Variants in CMTM4 observed in about 807,000 individuals in gnomAD.
CMTM4 encodes CKLF-like MARVEL transmembrane domain-containing protein 4.
In CMTM4, 8 loss-of-function variants were observed where a neutral mutation model predicts 19.0. That is an observed-to-expected ratio of 0.42 (90% CI 0.25 to 0.76). CMTM4 has a LOEUF of 0.76. CMTM4 is among the 30% of genes least tolerant of loss of function. CMTM4 has a pLI of 0.27. For synonymous variants in CMTM4, 106 were observed against 121.1 expected, an observed-to-expected ratio of 0.88 and a Z score of 0.82; for missense variants, 228 against 290.2, an observed-to-expected ratio of 0.79 and a Z score of 1.56.
At chr16:66,609,402 G>A in the CMTM4 span, 2 of 1,592,070 alleles carry the variant, frequency 1.3e-6, no homozygotes. The surrounding 1 kb of genome is among the most constrained non-coding windows in gnomAD (Gnocchi z 4.4). Flanking sequence ...CTCAGCTCCA[G>A]GGGCTCAGGG....
intron 1 of CMTM4, among the ~76,000 whole-genome samples, chr16:66,673,501 C>T (rs563188253): frequency 2.6e-5 from 4 of 152,072 alleles, no homozygotes; most frequent in African/African-American, 7.2e-5. Context: ...CCACTGCACC[C>T]GGCCCACGTT....
At chr16:66,631,491 G>C (rs2015870463) in intron 2 of CMTM4, among the ~76,000 whole-genome samples, 1 of 152,220 alleles carries the variant, frequency 6.6e-6, no homozygotes, top group Non-Finnish European at 1.5e-5. Context: ...AATAGAAAAG[G>C]GGGAAAGGTG....
At chr16:66,647,543 G>A (rs1172036542) in intron 1 of CMTM4, among the ~76,000 whole-genome samples, 1 of 152,072 alleles carries the variant, frequency 6.6e-6, no homozygotes, top group Non-Finnish European at 1.5e-5. Flanking sequence ...GGTAAGGAAG[G>A]TGTGCGCAGG....
In CMTM4 at chr16:66,615,683, C is replaced by T. The variant is rs1432290257; in HGVS notation, c.*6375G>A. The T allele has an allele frequency of 6.6e-6, 1 of 152,272 alleles. No individual in the cohort carries two copies. Among genetic ancestry groups the T allele is most frequent in the Non-Finnish European group, 1.5e-5 (1 of 68,070 alleles). 9.4% of individuals were successfully genotyped at this position (152,272 alleles called of 1,614,324 possible). Reference sequence around the variant, plus strand: ...CCTCTGCAGGACGCTCGCACTGATTCTGGAAGGGGCCCAGGCCAGAGAATA... The same window carrying T: ...CCTCTGCAGGACGCTCGCACTGATTTTGGAAGGGGCCCAGGCCAGAGAATA... On this transcript the variant is annotated 3_prime_UTR_variant, in exon 4 of 4. Transcript: ENST00000394106. The surrounding 1 kb of genome is among the most constrained non-coding windows in gnomAD (Gnocchi z 4.9).
At chr16:66,632,875 G>A (rs2015901752) in intron 2 of CMTM4, among the ~76,000 whole-genome samples, 1 of 151,858 alleles carries the variant, frequency 6.6e-6, no homozygotes, top group Non-Finnish European at 1.5e-5. Flanking sequence ...CTGAGGTTGG[G>A]AGTCCAAGAC....
At chr16:66,609,748 G>A in the CMTM4 span, 39 of 1,582,682 alleles carry the variant, frequency 2.5e-5, no homozygotes, top group Middle Eastern at 3.3e-4. The surrounding 1 kb of genome is among the most constrained non-coding windows in gnomAD (Gnocchi z 4.4). Flanking sequence ...TCCCACTTCC[G>A]TTACTCACAG....
At chr16:66,659,645 T>C (rs1209497620) in intron 1 of CMTM4, among the ~76,000 whole-genome samples, 1 of 152,208 alleles carries the variant, frequency 6.6e-6, no homozygotes, top group Non-Finnish European at 1.5e-5. Flanking sequence ...GGAATAATTA[T>C]GTTATTTTGA....
chr16:66,683,161 GTATA>G (rs201948614), intron 1 of CMTM4, among the ~76,000 whole-genome samples: 90 of 81,448 alleles, frequency 1.1e-3, no homozygotes, highest in South Asian at 9.3e-3. Context: ...ATATATATAC[GTATA>G]TATATATATA....
At position 66,617,398 on chromosome 16, in the gene CMTM4, A is replaced by G; in HGVS notation, c.*4660T>C. 1 of 1,600,592 alleles carries G rather than the reference A, an allele frequency of 6.2e-7. No homozygotes were observed. The highest frequency in any genetic ancestry group is 8.5e-7 in the Non-Finnish European group (1 of 1,172,742). ...AAAATCCCAAAGGTTGAAAAACTGT[A>G]TCCAAATGGAAAAAGAATATATTCC... On this transcript the variant is annotated 3_prime_UTR_variant, in exon 4 of 4. Transcript: ENST00000394106.
chr16:66,613,447 C>T, downstream of CMTM4: 1 of 330,282 alleles, frequency 3.0e-6, no homozygotes, highest in Non-Finnish European at 5.6e-6. Context: ...AGTTCCTGGA[C>T]CCTCAGGACA....
intron 2 of CMTM4, among the ~76,000 whole-genome samples, chr16:66,626,695 AGGAGGCAGAG>A (rs370973055): frequency 3.3e-4 from 50 of 152,048 alleles, no homozygotes; most frequent in African/African-American, 1.1e-3. Context: ...GCGTGAATCC[AGGAGGCAGAG>A]GTTGCTGTGA....
rs1195286117 is a variant in CMTM4 at position 66,616,730 on chromosome 16, A to C, written c.*5328T>G. On this transcript the variant is annotated 3_prime_UTR_variant, in exon 4 of 4. Coordinates refer to ENST00000394106, the MANE Select transcript of CMTM4 (RefSeq NM_181521.3). ...CAAAGCAGGGCCTGTGGGGGGAAGC[A>C]GCGTGAGTCAGGCCTCACCCTGGTG... is the stretch of plus-strand genomic sequence containing the variant. 6.6e-6 allele frequency: 1 copy of C among 152,358 alleles called. No individual in the cohort carries two copies. Among genetic ancestry groups the C allele is most frequent in the African/African-American group, 2.4e-5 (1 of 41,446 alleles). 9.4% of individuals were successfully genotyped at this position (152,358 alleles called of 1,614,324 possible).
intron 1 of CMTM4, among the ~76,000 whole-genome samples, chr16:66,654,401 C>T (rs572404320): frequency 6.6e-6 from 1 of 152,242 alleles, no homozygotes; most frequent in African/African-American, 2.4e-5. Context: ...TCTCCAGGGC[C>T]TCGCCTCTGC....
At chr16:66,604,795 C>T in the CMTM4 span, 1 of 1,247,542 alleles carries the variant, frequency 8.0e-7, no homozygotes, top group Non-Finnish European at 1.0e-6. Context: ...GGCCCTACCG[C>T]CGCCGCCGCC....
intron 1 of CMTM4, among the ~76,000 whole-genome samples, chr16:66,683,789 G>A (rs2016985898): frequency 6.6e-6 from 1 of 151,626 alleles, no homozygotes; most frequent in Admixed American, 6.6e-5. Context: ...GTGGGGTGGG[G>A]GAGTGTTCTA....
rs1291042872 is a variant in CMTM4, at chr16:66,617,259, C to A, written c.*4799G>T. On this transcript the variant is annotated 3_prime_UTR_variant, in exon 4 of 4. Coordinates refer to ENST00000394106, the MANE Select transcript of CMTM4 (RefSeq NM_181521.3). The stretch of plus-strand genomic sequence containing the variant: ...ATGAAATAGATACACAGTTCAAGGA[C>A]CCATCATCTGAACTTTTCTAGGCAA... 2 of 1,611,916 alleles carry A rather than the reference C, an allele frequency of 1.2e-6. No individual in the cohort carries two copies. Among genetic ancestry groups the A allele is most frequent in the South Asian group, 1.1e-5 (1 of 90,864 alleles).
intron 2 of CMTM4, among the ~76,000 whole-genome samples, chr16:66,628,204 G>A (rs1352547999): frequency 6.6e-6 from 1 of 152,186 alleles, no homozygotes; most frequent in Non-Finnish European, 1.5e-5. Context: ...GTTTTATACC[G>A]AGACATTCCG....
At chr16:66,670,026 G>C (rs1264969414) in intron 1 of CMTM4, among the ~76,000 whole-genome samples, 1 of 152,110 alleles carries the variant, frequency 6.6e-6, no homozygotes, top group African/African-American at 2.4e-5. Flanking sequence ...TGTAAAGAAG[G>C]AAACAAAGCA....
rs145605166 is a variant in CMTM4 at position 66,647,570 on chromosome 16, C to A, written c.187-10989G>T. Among the ~76,000 whole-genome samples, 45 of 152,206 alleles carry A rather than the reference C, an allele frequency of 3.0e-4. No individual in the cohort carries two copies. In the East Asian group the frequency reaches 8.5e-3, roughly 29 times the overall value. ...GTGCGCAGGGCCAACTGTGAGGAGACTGGGGAAGAAGTTGGACAAAAGAGC... is the reference window on the plus strand; with the variant it reads ...GTGCGCAGGGCCAACTGTGAGGAGAATGGGGAAGAAGTTGGACAAAAGAGC... On this transcript the variant is annotated intron_variant, in intron 1 of 3. Transcript: ENST00000394106.
Sources: gnomAD v4.1 joint callset for allele counts (sites outside exome capture counted in the v4.1 genomes callset) on GRCh38, gnomAD v4.1.1 for gene constraint, Gnocchi (gnomAD v3.1) non-coding constraint, MANE v1.5 for transcripts, NCBI Gene and HGNC (gene_info 2026-07-23, HGNC 2026-07-21) for gene names.